The following CPED1 variants were observed in gnomAD, a reference collection of about 807,000 sequenced individuals.
CPED1 encodes cadherin like and PC-esterase domain containing 1, also known as cadherin-like and PC-esterase domain-containing protein 1.
CPED1 carries 114 observed loss-of-function variants against 128.2 expected under a neutral mutation model. The ratio of observed to expected loss-of-function variants is 0.89; its 90% confidence interval spans 0.76 to 1.04. The LOEUF (loss-of-function observed/expected upper bound fraction) is 1.04, where lower values mean the gene tolerates loss of function less well. Ranked by LOEUF, CPED1 falls within the 50% of genes least tolerant of loss-of-function variation. The pLI is 0.00. For synonymous variants in CPED1, 462 were observed against 426.7 expected (o/e 1.08, Z -1.02); for missense variants, 1,211 against 1,207.1 (o/e 1.00, Z -0.05).
At chr7:121,267,089 G>A (rs1792141714) in intron 20 of CPED1, 126 bp from the exon 21 acceptor site, 3 of 643,576 alleles carry the variant, frequency 4.7e-6, no homozygotes, top group South Asian at 2.1e-5. Flanking sequence ...TATAAAACGA[G>A]CATTTAGTCT....
intron 3 of CPED1, among the ~76,000 whole-genome samples, chr7:121,026,581 A>C (rs1792589989): frequency 1.3e-5 from 2 of 152,110 alleles, no homozygotes; most frequent in South Asian, 4.1e-4. Flanking sequence ...GGAACTTAAA[A>C]ATTTAAAAAG....
chr7:121,292,153 A>G (rs1792716167), intron 22 of CPED1, among the ~76,000 whole-genome samples: 2 of 151,692 alleles, frequency 1.3e-5, no homozygotes, highest in Non-Finnish European at 1.5e-5. Flanking sequence ...CACCAATCAA[A>G]TGTAGGCTTG....
intron 2 of CPED1, among the ~76,000 whole-genome samples, chr7:120,993,545 T>A (rs1796343810): frequency 6.6e-6 from 1 of 152,228 alleles, no homozygotes; most frequent in South Asian, 2.1e-4. Flanking sequence ...TTGAAAATGA[T>A]CTAATTAATC....
At chr7:121,094,688 A>C (rs184930591) in intron 5 of CPED1, among the ~76,000 whole-genome samples, 54 of 152,314 alleles carry the variant, frequency 3.5e-4, no homozygotes, top group Non-Finnish European at 1.8e-4. Flanking sequence ...CAAGCCTATT[A>C]ATTGTTGGTA....
intron 17 of CPED1, among the ~76,000 whole-genome samples, chr7:121,243,336 AC>A (rs1270330837): frequency 6.6e-6 from 1 of 152,182 alleles, no homozygotes; most frequent in Non-Finnish European, 1.5e-5. Context: ...GGAAAAAAAA[AC>A]AAAAAAATTA....
At chr7:121,204,619 G>A (rs1295976406) in intron 16 of CPED1, among the ~76,000 whole-genome samples, 1 of 152,078 alleles carries the variant, frequency 6.6e-6, no homozygotes, top group Non-Finnish European at 1.5e-5. Context: ...CAGAGGACTG[G>A]TCAGTAGCCC....
intron 2 of CPED1, among the ~76,000 whole-genome samples, chr7:120,995,918 T>TCTCCTCCTCCTTCTC (rs1796391280): frequency 7.2e-6 from 1 of 139,842 alleles, no homozygotes; most frequent in East Asian, 2.0e-4. Context: ...TTCTTCTCCT[T>TCTCCTCCTCCTTCTC]CTCCTCCTCC....
intron 16 of CPED1, among the ~76,000 whole-genome samples, chr7:121,184,446 C>G (rs1796960156): frequency 6.6e-6 from 1 of 152,096 alleles, no homozygotes; most frequent in Admixed American, 6.6e-5. Context: ...TTAATTATTT[C>G]TGAGTTTCAC....
chr7:121,239,934 T>C (rs970881052), intron 17 of CPED1, among the ~76,000 whole-genome samples: 6 of 152,184 alleles, frequency 3.9e-5, no homozygotes, highest in Non-Finnish European at 7.3e-5. Context: ...ATATATAACA[T>C]AGAATTTATG....
At chr7:120,993,294 A>G (rs1253617738) in intron 2 of CPED1, among the ~76,000 whole-genome samples, 1 of 152,182 alleles carries the variant, frequency 6.6e-6, no homozygotes, top group Admixed American at 6.5e-5. Context: ...TCCTTAATAT[A>G]TGCTTCTTTA....
At chr7:121,117,017 T>TAC (rs1336830999) in intron 7 of CPED1, among the ~76,000 whole-genome samples, 1 of 146,908 alleles carries the variant, frequency 6.8e-6, no homozygotes, top group Non-Finnish European at 1.5e-5. Flanking sequence ...CACATATATA[T>TAC]ACACACATTA....
At chr7:121,097,317 A>G (rs1183293794) in intron 5 of CPED1, among the ~76,000 whole-genome samples, 1 of 152,170 alleles carries the variant, frequency 6.6e-6, no homozygotes, top group Non-Finnish European at 1.5e-5. Context: ...CAAGTTTTCT[A>G]TGTAATATTC....
chr7:121,268,027 A>G (rs1252046585), intron 21 of CPED1, among the ~76,000 whole-genome samples: 1 of 152,010 alleles, frequency 6.6e-6, no homozygotes, highest in Non-Finnish European at 1.5e-5. Context: ...AACAGGAGAA[A>G]TGGTAGGAAG....
chr7:121,037,602 C>A (rs1485312970), intron 3 of CPED1, among the ~76,000 whole-genome samples: 1 of 151,722 alleles, frequency 6.6e-6, no homozygotes, highest in East Asian at 1.9e-4. Context: ...TTTTTGCAGT[C>A]TTGCTTTGGC....
intron 7 of CPED1, among the ~76,000 whole-genome samples, chr7:121,121,224 T>C (rs1044328349): frequency 6.6e-6 from 1 of 152,172 alleles, no homozygotes. Flanking sequence ...GATCCAAGTT[T>C]TTCTATATAC....
At chr7:121,185,775 C>T (rs564481139) in intron 16 of CPED1, among the ~76,000 whole-genome samples, 3 of 152,288 alleles carry the variant, frequency 2.0e-5, no homozygotes, top group African/African-American at 7.2e-5. Context: ...GATATGAGTC[C>T]AGTGATCACA....
chr7:121,196,040 G>A (rs1249548152), intron 16 of CPED1, among the ~76,000 whole-genome samples: 2 of 151,942 alleles, frequency 1.3e-5, no homozygotes, highest in Non-Finnish European at 2.9e-5. Context: ...TGCTGCTTGA[G>A]GAGGCCAAAG....
At chr7:121,255,699 A>G (rs1791821201) in intron 18 of CPED1, among the ~76,000 whole-genome samples, 1 of 152,166 alleles carries the variant, frequency 6.6e-6, no homozygotes, top group East Asian at 1.9e-4. Flanking sequence ...CTAATAAACA[A>G]TTTTAGTGAA....
chr7:121,004,743 A>G, intron 2 of CPED1, among the ~76,000 whole-genome samples: 1 of 139,662 alleles, frequency 7.2e-6, no homozygotes, highest in East Asian at 2.1e-4. Flanking sequence ...CTAAGAGTAG[A>G]CACTTGTGAC....
Sources: allele counts gnomAD v4.1 joint callset (sites outside exome capture counted in the v4.1 genomes callset), GRCh38; gene constraint gnomAD v4.1.1; transcripts MANE v1.5; gene names NCBI Gene and HGNC (gene_info 2026-07-23, HGNC 2026-07-21).